Variants in ANO5 observed in about 807,000 individuals in gnomAD.
ANO5 encodes anoctamin-5.
Under a neutral mutation model 121.0 loss-of-function variants are expected in ANO5, and 109 were observed. The observed-to-expected ratio is 0.90, with a 90% CI of 0.77 to 1.06. ANO5 has a LOEUF of 1.06. Among genes scored for constraint, ANO5 ranks in the 50% least tolerant of loss-of-function variants. ANO5 has a pLI of 0.00. For missense variants in ANO5, 1,064 were observed against 1,078.5 expected, an observed-to-expected ratio of 0.99 and a Z score of 0.19; for synonymous variants, 406 against 359.9, an observed-to-expected ratio of 1.13 and a Z score of -1.45.
chr11:22,274,508 A>C (rs569870860), intron 19 of ANO5, 61 bp from the exon 20 acceptor site: 7 of 1,436,548 alleles, frequency 4.9e-6, no homozygotes, highest in Non-Finnish European at 5.6e-6. Flanking sequence ...TGTACAAATC[A>C]GACATTATTA....
intron 9 of ANO5, among the ~76,000 whole-genome samples, chr11:22,242,943 T>C (rs956178881): frequency 6.6e-6 from 1 of 152,044 alleles, no homozygotes; most frequent in African/African-American, 2.4e-5. Context: ...CTATGTTGAA[T>C]AGGAGTGGTA....
intron 1 of ANO5, among the ~76,000 whole-genome samples, chr11:22,201,015 T>C (rs1356001136): frequency 6.6e-6 from 1 of 152,164 alleles, no homozygotes; most frequent in Non-Finnish European, 1.5e-5. Context: ...TAAAATGCCA[T>C]AGTATTTGCA....
rs1185155455 is a variant in ANO5 at position 22,279,890 on chromosome 11, T to A, written c.*125T>A. ...TTTTTTTTTTTTTTCTTTTTTTTTT[T>A]AAACTCAAAGTTTTTATACACTTTT... On this transcript the variant is annotated 3_prime_UTR_variant, in exon 22 of 22. Coordinates refer to ENST00000324559, the MANE Select transcript of ANO5 (RefSeq NM_213599.3). 37 of 846,794 alleles carry A rather than the reference T, an allele frequency of 4.4e-5. No individual in the cohort carries two copies. The highest frequency in any genetic ancestry group is 6.1e-5 in the Non-Finnish European group (34 of 553,644). 52.5% of individuals were successfully genotyped at this position (846,794 alleles called of 1,614,324 possible). A position where few individuals can be genotyped will look rare whatever the true frequency, so the allele number is the denominator to read the frequency against.
chr11:22,238,613 T>C (rs1156705471), intron 8 of ANO5, among the ~76,000 whole-genome samples: 2 of 152,144 alleles, frequency 1.3e-5, no homozygotes, highest in African/African-American at 2.4e-5. Flanking sequence ...GTTGTTTAAT[T>C]TCTTAAGATT....
intron 19 of ANO5, among the ~76,000 whole-genome samples, chr11:22,273,797 A>G (rs922522290): frequency 6.6e-6 from 1 of 151,898 alleles, no homozygotes; most frequent in Non-Finnish European, 1.5e-5. Flanking sequence ...AGTATGAGAG[A>G]CTCTTGTGTC....
At position 22,259,371 on chromosome 11, in the gene ANO5, G is replaced by A. The variant is rs1255266994; in HGVS notation, c.1408-148G>A. 6.2e-6 allele frequency: 5 copies of A among 802,248 alleles called. No homozygotes were observed. In the African/African-American group the frequency reaches 6.8e-5, roughly 11 times the overall value. 49.7% of individuals were successfully genotyped at this position (802,248 alleles called of 1,614,324 possible). Reference sequence around the variant, plus strand: ...GCCAGTGTTCATGTCTTGCCATCTAGGGAAAGAGAGACTGACTTAGTTTGC... The same window carrying A: ...GCCAGTGTTCATGTCTTGCCATCTAAGGAAAGAGAGACTGACTTAGTTTGC... On this transcript the variant is annotated intron_variant, in intron 14 of 21. Transcript: ENST00000324559.
In ANO5 at chr11:22,281,904, A is replaced by C. The variant is rs1019348389; in HGVS notation, c.*2139A>C. 1 of 152,156 alleles carries C rather than the reference A, an allele frequency of 6.6e-6. No homozygotes were observed. Among genetic ancestry groups the C allele is most frequent in the African/African-American group, 2.4e-5 (1 of 41,456 alleles). 9.4% of individuals were successfully genotyped at this position (152,156 alleles called of 1,614,324 possible). On this transcript the variant is annotated 3_prime_UTR_variant, in exon 22 of 22. Transcript: ENST00000324559. ...TGGATTGATAAATATTTTCCTTTTA[A>C]AATGTTATGGACTGATATTTTTTAT...
Position 22,280,655 on chromosome 11 carries a change from C to A in ANO5, c.*890C>A, listed in dbSNP as rs962806432. ...TAAAAATCACTTTTCTTCTGGAATGCCAATTTCACATCATGAAGCCTTTTT... is the reference window on the plus strand; with the variant it reads ...TAAAAATCACTTTTCTTCTGGAATGACAATTTCACATCATGAAGCCTTTTT... On this transcript the variant is annotated 3_prime_UTR_variant, in exon 22 of 22. Coordinates refer to ENST00000324559, the MANE Select transcript of ANO5 (RefSeq NM_213599.3). The A allele has an allele frequency of 6.6e-6, 1 of 151,862 alleles. No homozygotes were observed. Among genetic ancestry groups the A allele is most frequent in the African/African-American group, 2.4e-5 (1 of 41,404 alleles). The allele number at this position is 151,862 out of a possible 1,614,324, so 9.4% of individuals were successfully genotyped here.
chr11:22,278,576 G>T (rs1326628431), intron 21 of ANO5, among the ~76,000 whole-genome samples: 1 of 142,988 alleles, frequency 7.0e-6, no homozygotes, highest in African/African-American at 2.6e-5. Flanking sequence ...CTACATATTT[G>T]GTGGTTCTGC....
chr11:22,193,518 T>C lies in ANO5; in HGVS notation c.26T>C (p.Val9Ala). ...ATGGGCGACCCGGATCTCCTGGAAG[T>C]GTTGGCGGAGGAAGGTAGGACCGCG... MGDPDLLE[V>A]LAEEGEKVNK... is the part of the protein sequence containing the mutation. Residue 9 changes from valine (V) to alanine (A), a missense_variant, in exon 1 of 22, where the codon GTG becomes GCG. Physicochemically the swap from Val to Ala is moderately conservative, Grantham distance 64. Coordinates refer to ENST00000324559, the MANE Select transcript of ANO5 (RefSeq NM_213599.3). The C allele has an allele frequency of 1.2e-6, 2 of 1,612,944 alleles. No homozygotes were observed. Among genetic ancestry groups the C allele is most frequent in the Non-Finnish European group, 1.7e-6 (2 of 1,179,744 alleles).
chr11:22,251,313 A>C (rs2133706126), intron 12 of ANO5, among the ~76,000 whole-genome samples: 1 of 152,328 alleles, frequency 6.6e-6, no homozygotes, highest in South Asian at 2.1e-4. Flanking sequence ...AAAATACTTC[A>C]TTCAGGAGAG....
intron 14 of ANO5, among the ~76,000 whole-genome samples, chr11:22,258,799 C>A (rs1291891653): frequency 6.6e-6 from 1 of 152,116 alleles, no homozygotes; most frequent in African/African-American, 2.4e-5. Flanking sequence ...CATATAGTCT[C>A]TGGAACATAA....
At chr11:22,199,172 CT>C in intron 1 of ANO5, among the ~76,000 whole-genome samples, 1 of 152,118 alleles carries the variant, frequency 6.6e-6, no homozygotes, top group Non-Finnish European at 1.5e-5. Context: ...CGATTTTATT[CT>C]GACATTCTGA....
At chr11:22,217,216 A>G (rs1852473513) in intron 3 of ANO5, among the ~76,000 whole-genome samples, 1 of 151,968 alleles carries the variant, frequency 6.6e-6, no homozygotes, top group South Asian at 2.1e-4. Flanking sequence ...ATTGTATTGG[A>G]TTATTTATCC....
intron 7 of ANO5, 21 bp downstream of exon 7, chr11:22,227,607 G>A: frequency 2.5e-6 from 4 of 1,611,540 alleles, no homozygotes; most frequent in Non-Finnish European, 3.4e-6. Context: ...AAGACCTTTG[G>A]GCACATCCCT....
At chr11:22,269,048 G>GGA (rs1242667573) in intron 17 of ANO5, among the ~76,000 whole-genome samples, 3 of 150,234 alleles carry the variant, frequency 2.0e-5, no homozygotes, top group Non-Finnish European at 4.4e-5. Flanking sequence ...AAGGAGAGAG[G>GGA]GAGAGAGAGA....
In ANO5 at chr11:22,263,046, A is replaced by G. The variant is rs745774341; in HGVS notation, c.1898+3A>G. 3.1e-6 allele frequency: 5 copies of G among 1,599,124 alleles called. No individual in the cohort carries two copies. Among genetic ancestry groups the G allele is most frequent in the Non-Finnish European group, 4.3e-6 (5 of 1,166,748 alleles). ...AACATTAAAGAAGCCATTTATCCGT[A>G]TGTATGACTTACAAGCTTTTTATTT... is the stretch of plus-strand genomic sequence containing the variant. On this transcript the variant is annotated splice_donor_region_variant and intron_variant, in intron 17 of 21. Coordinates refer to ENST00000324559, the MANE Select transcript of ANO5 (RefSeq NM_213599.3).
Position 22,193,481 on chromosome 11 carries a change from G to C in ANO5, c.-12G>C. On this transcript the variant is annotated 5_prime_UTR_variant, in exon 1 of 22. Coordinates refer to ENST00000324559, the MANE Select transcript of ANO5 (RefSeq NM_213599.3). ...CCTCTCAGGCACCAGTGCCATTAACGAGCTGGCGAAGATGGGCGACCCGGA... is the reference window on the plus strand; with the variant it reads ...CCTCTCAGGCACCAGTGCCATTAACCAGCTGGCGAAGATGGGCGACCCGGA... 6.2e-7 allele frequency: 1 copy of C among 1,611,744 alleles called. No homozygotes were observed. Among genetic ancestry groups the C allele is most frequent in the Non-Finnish European group, 8.5e-7 (1 of 1,179,330 alleles).
At chr11:22,279,472 A>G (rs1353542797) in intron 21 of ANO5, 72 bp from the exon 22 acceptor site, 1 of 1,299,918 alleles carries the variant, frequency 7.7e-7, no homozygotes, top group Non-Finnish European at 1.1e-6. Flanking sequence ...AAGTGAAATG[A>G]TTTGTAAAGA....
Sources: gnomAD v4.1 joint callset for allele counts (sites outside exome capture counted in the v4.1 genomes callset) on GRCh38, gnomAD v4.1.1 for gene constraint, MANE v1.5 for transcripts, NCBI Gene and HGNC (gene_info 2026-07-23, HGNC 2026-07-21) for gene names.